CFAP77: variants seen among roughly 807,000 people sequenced by gnomAD.
CFAP77 encodes cilia- and flagella-associated protein 77.
Under a neutral mutation model 31.1 loss-of-function variants are expected in CFAP77, and 25 were observed. The ratio of observed to expected loss-of-function variants is 0.80; its 90% CI spans 0.59 to 1.12. The LOEUF (loss-of-function observed/expected upper bound fraction) is 1.12. Among genes scored for constraint, CFAP77 ranks in the 50% most tolerant of loss-of-function variants. CFAP77 has a pLI of 0.00. For synonymous variants in CFAP77, 151 were observed against 159.9 expected (o/e 0.94, Z 0.42); for missense variants, 377 against 397.3 (o/e 0.95, Z 0.44).
intron 1 of CFAP77, among the ~76,000 whole-genome samples, chr9:132,423,059 G>T (rs1260720791): frequency 5.3e-5 from 8 of 152,224 alleles, no homozygotes; most frequent in Non-Finnish European, 1.2e-4. Flanking sequence ...GTCCCTTAGG[G>T]CTGAGTGTTG....
At position 132,455,305 on chromosome 9, in the gene CFAP77, G is replaced by A. The variant is rs1326889472; in HGVS notation, c.196-43390G>A. On this transcript the variant is annotated intron_variant, in intron 1 of 5. Transcript: ENST00000393216. The surrounding 1 kb of genome is among the most constrained non-coding windows in gnomAD (Gnocchi z 4.1). ...GTGGATCACCTGAGGTCAGGAGTTC[G>A]AGATCAGCCTGGCCAACATGGCGAA... is the stretch of plus-strand genomic sequence containing the variant. 6.6e-6 allele frequency among the ~76,000 whole-genome samples: 1 copy of A among 152,130 alleles called. No homozygotes were observed. The highest frequency in any genetic ancestry group is 1.5e-5 in the Non-Finnish European group (1 of 68,020).
intron 3 of CFAP77, among the ~76,000 whole-genome samples, chr9:132,507,811 C>T (rs1851958597): frequency 6.6e-6 from 1 of 152,118 alleles, no homozygotes; most frequent in Non-Finnish European, 1.5e-5. Context: ...TCCTGAAACC[C>T]GGCTGAATGA....
chr9:132,506,653 C>A (rs1252582400), intron 3 of CFAP77, among the ~76,000 whole-genome samples: 2 of 152,020 alleles, frequency 1.3e-5, no homozygotes, highest in Non-Finnish European at 2.9e-5. Context: ...GGTGGGAAGA[C>A]CCTACTTTGC....
Position 132,572,517 on chromosome 9 carries a change from C to A in CFAP77, c.*7C>A, listed in dbSNP as rs774637465. ...CAACTACACCCACCCCTAGCCCCTCCCTCCCCTGCCACAAGAAGCCATCTT... is the reference window on the plus strand; with the variant it reads ...CAACTACACCCACCCCTAGCCCCTCACTCCCCTGCCACAAGAAGCCATCTT... On this transcript the variant is annotated 3_prime_UTR_variant, in exon 6 of 6. Transcript: ENST00000393216. 1.2e-6 allele frequency: 2 copies of A among 1,600,268 alleles called. No individual in the cohort carries two copies. Among genetic ancestry groups the A allele is most frequent in the East Asian group, 4.5e-5 (2 of 44,638 alleles).
At chr9:132,518,995 G>C (rs562901504) in intron 3 of CFAP77, among the ~76,000 whole-genome samples, 1 of 152,288 alleles carries the variant, frequency 6.6e-6, no homozygotes, top group African/African-American at 2.4e-5. Context: ...TGAGGATATT[G>C]ATATCAGTCT....
At chr9:132,478,142 G>A (rs1851381497) in intron 1 of CFAP77, among the ~76,000 whole-genome samples, 1 of 152,126 alleles carries the variant, frequency 6.6e-6, no homozygotes, top group Admixed American at 6.5e-5. Flanking sequence ...CCTGGTGGGA[G>A]GTGACTCGAT....
At chr9:132,485,922 C>T (rs568370555) in intron 1 of CFAP77, among the ~76,000 whole-genome samples, 1 of 142,268 alleles carries the variant, frequency 7.0e-6, no homozygotes, top group Admixed American at 7.1e-5. Context: ...AGGTGACGAG[C>T]ATACAAGTGT....
At chr9:132,507,976 C>T (rs1251314306) in intron 3 of CFAP77, among the ~76,000 whole-genome samples, 4 of 152,222 alleles carry the variant, frequency 2.6e-5, no homozygotes, top group African/African-American at 9.6e-5. Flanking sequence ...GTCGTTAATA[C>T]TCCTCTGCTG....
At chr9:132,465,094 GAAAAA>G (rs920426277) in intron 1 of CFAP77, among the ~76,000 whole-genome samples, 3 of 134,180 alleles carry the variant, frequency 2.2e-5, no homozygotes, top group Admixed American at 7.3e-5. Flanking sequence ...AAAAAAAAAA[GAAAAA>G]AAGAAAGAAA....
chr9:132,510,748 C>T (rs948315415), intron 3 of CFAP77, among the ~76,000 whole-genome samples: 12 of 152,292 alleles, frequency 7.9e-5, no homozygotes, highest in African/African-American at 1.2e-4. Context: ...TCAGTCCCGT[C>T]GGAGGCCAGA....
At chr9:132,502,436 T>C (rs1851866706) in intron 3 of CFAP77, among the ~76,000 whole-genome samples, 1 of 152,056 alleles carries the variant, frequency 6.6e-6, no homozygotes, top group Non-Finnish European at 1.5e-5. Context: ...CCACCATCCA[T>C]CTCAAGAACT....
In CFAP77 at chr9:132,517,397, G is replaced by A. The variant is rs1302634028; in HGVS notation, c.524+17797G>A. Among the ~76,000 whole-genome samples the A allele has an allele frequency of 2.6e-5, 4 of 152,128 alleles. No homozygotes were observed. Among genetic ancestry groups the A allele is most frequent in the East Asian group, 1.9e-4 (1 of 5,176 alleles). On this transcript the variant is annotated intron_variant, in intron 3 of 5. Transcript: ENST00000393216. This position sits in a 1 kb window ranked among gnomAD's most constrained non-coding sequence, Gnocchi z 4.7. The stretch of plus-strand genomic sequence containing the variant: ...AAGGACCCGTCTTGAGTGGAATCAC[G>A]TTGAACAGACCTCGGCGCTGTCATT...
intron 5 of CFAP77, among the ~76,000 whole-genome samples, chr9:132,570,119 G>A (rs1008991395): frequency 3.0e-4 from 46 of 152,176 alleles, no homozygotes; most frequent in Non-Finnish European, 1.0e-4. Context: ...AGGTCACAAA[G>A]GTGTCACTAG....
chr9:132,494,673 G>A (rs532984062), intron 1 of CFAP77, among the ~76,000 whole-genome samples: 5 of 152,242 alleles, frequency 3.3e-5, no homozygotes, highest in East Asian at 1.9e-4. Context: ...CACTATCCAC[G>A]GTGGTTGTAG....
intron 1 of CFAP77, among the ~76,000 whole-genome samples, chr9:132,459,389 C>G (rs1241822870): frequency 6.6e-6 from 1 of 151,818 alleles, no homozygotes; most frequent in South Asian, 2.1e-4. Flanking sequence ...ACTAATTTAT[C>G]CCATGCACCT....
intron 1 of CFAP77, among the ~76,000 whole-genome samples, chr9:132,433,679 C>G (rs774404024): frequency 7.9e-5 from 12 of 151,986 alleles, no homozygotes; most frequent in Non-Finnish European, 1.6e-4. Flanking sequence ...TCCTGAGTAG[C>G]TGGGATTACA....
chr9:132,411,486 G>A (rs1179464030), intron 1 of CFAP77, among the ~76,000 whole-genome samples: 1 of 152,130 alleles, frequency 6.6e-6, no homozygotes, highest in East Asian at 1.9e-4. Flanking sequence ...CCCTAAACTC[G>A]GTCCTGAGAG....
chr9:132,465,592 C>T (rs999623131), intron 1 of CFAP77, among the ~76,000 whole-genome samples: 3 of 152,282 alleles, frequency 2.0e-5, no homozygotes, highest in East Asian at 1.9e-4. Flanking sequence ...CAGAAAGACA[C>T]ACCCTGGTGT....
At chr9:132,438,541 A>ATATATATT in intron 1 of CFAP77, among the ~76,000 whole-genome samples, 4 of 108,128 alleles carry the variant, frequency 3.7e-5, no homozygotes, top group African/African-American at 1.2e-4. Context: ...ATATATATAT[A>ATATATATT]TTTTTTTTTT....
Sources: allele counts gnomAD v4.1 joint callset (sites outside exome capture counted in the v4.1 genomes callset), GRCh38; gene constraint gnomAD v4.1.1; non-coding constraint Gnocchi (gnomAD v3.1); transcripts MANE v1.5; gene names NCBI Gene and HGNC (gene_info 2026-07-23, HGNC 2026-07-21).